The following CMIP variants were observed in gnomAD, a reference collection of about 807,000 sequenced individuals.
CMIP encodes the protein C-Maf-inducing protein.
Under a neutral mutation model 97.3 loss-of-function variants are expected in CMIP, and 13 were observed. The observed-to-expected ratio is 0.13, with a 90% CI of 0.09 to 0.21. CMIP has a LOEUF of 0.21. CMIP is among the 10% of genes least tolerant of loss of function. CMIP has a pLI of 1.00. For synonymous variants in CMIP, 538 were observed against 436.3 expected (o/e 1.23, Z -2.91); for missense variants, 847 against 1,024.9 (o/e 0.83, Z 2.37).
chr16:81,704,012 A>G lies in CMIP; in HGVS notation c.2018A>G (p.Asn673Ser), dbSNP rs918596511. The part of the protein sequence containing the change: ...NLENLSLAFT[N>S]VTSACAEHLI... Reference sequence around the variant, plus strand: ...GAGAACCTCAGTTTGGCCTTCACCAATGTAACCAGTGCCTGCGCCGAGCAC... The same window carrying G: ...GAGAACCTCAGTTTGGCCTTCACCAGTGTAACCAGTGCCTGCGCCGAGCAC... The change falls in exon 18 of 21, where the codon AAT (asparagine) becomes AGT (serine). Residue 673 changes from asparagine (N) to serine (S), a missense_variant. This residue lies in a region of CMIP where 266 missense variants were observed against 384.2 expected (regional missense o/e 0.69). Coordinates refer to ENST00000537098, the MANE Select transcript of CMIP (RefSeq NM_198390.3). 6 of 1,604,626 alleles carry G rather than the reference A, an allele frequency of 3.7e-6. No homozygotes were observed. The highest frequency in any genetic ancestry group is 1.3e-5 in the African/African-American group (1 of 74,428).
At chr16:81,693,324 A>G in intron 12 of CMIP, 115 bp from the exon 13 acceptor site, 1 of 1,453,126 alleles carries the variant, frequency 6.9e-7, no homozygotes, top group Non-Finnish European at 9.5e-7. Context: ...TCCCTGATCC[A>G]CCGCCTTGCC....
intron 1 of CMIP, among the ~76,000 whole-genome samples, chr16:81,507,260 G>T (rs1052332739): frequency 5.9e-5 from 9 of 152,128 alleles, no homozygotes; most frequent in African/African-American, 2.2e-4. Flanking sequence ...TCTTAAAAAA[G>T]AAAGGAAGAT....
rs1026263748 is a variant in CMIP, at chr16:81,710,213, G to A, written c.*414G>A. On this transcript the variant is annotated 3_prime_UTR_variant, in exon 21 of 21. Coordinates refer to ENST00000537098, the MANE Select transcript of CMIP (RefSeq NM_198390.3). Reference sequence around the variant, plus strand: ...AGGATGCTTTCTTCCTAGAGGCTCCGAGCTGAGCTGCGAACTCGCCCCCCG... The same window carrying A: ...AGGATGCTTTCTTCCTAGAGGCTCCAAGCTGAGCTGCGAACTCGCCCCCCG... The A allele has an allele frequency of 1.1e-4, 26 of 238,566 alleles. No homozygotes were observed. The highest frequency in any genetic ancestry group is 5.2e-4 in the African/African-American group (23 of 44,438). The allele number at this position is 238,566 out of a possible 1,614,324, so 14.8% of individuals were successfully genotyped here. A position where few individuals can be genotyped will look rare whatever the true frequency, so the allele number is the denominator to read the frequency against.
At chr16:81,502,791 A>C (rs2089637005) in intron 1 of CMIP, among the ~76,000 whole-genome samples, 1 of 152,238 alleles carries the variant, frequency 6.6e-6, no homozygotes, top group African/African-American at 2.4e-5. Context: ...CAAAACAAAA[A>C]AAGAAGCAAG....
intron 3 of CMIP, among the ~76,000 whole-genome samples, chr16:81,624,856 G>A (rs953342449): frequency 1.3e-5 from 2 of 152,192 alleles, no homozygotes; most frequent in Non-Finnish European, 2.9e-5. Flanking sequence ...TCTTGGTCAC[G>A]CTTTTCCGTC....
intron 1 of CMIP, among the ~76,000 whole-genome samples, chr16:81,488,778 G>A (rs542483034): frequency 2.0e-5 from 3 of 152,240 alleles, no homozygotes; most frequent in African/African-American, 2.4e-5. Context: ...CTGGCTCTTC[G>A]CTGTTCTGCA....
At chr16:81,534,056 C>T (rs1455396618) in intron 1 of CMIP, 7 of 152,232 alleles carry the variant, frequency 4.6e-5, no homozygotes, top group Non-Finnish European at 5.9e-5. Flanking sequence ...TCACGGCTAC[C>T]ACGGCTGCCT....
intron 4 of CMIP, among the ~76,000 whole-genome samples, chr16:81,654,477 A>G (rs761847869): frequency 6.6e-6 from 1 of 152,218 alleles, no homozygotes; most frequent in African/African-American, 2.4e-5. Context: ...AAAGTAGGAA[A>G]ATGGAAGAAG....
intron 1 of CMIP, among the ~76,000 whole-genome samples, chr16:81,579,628 CT>C (rs200825467): frequency 0.069 from 10,554 of 151,870 alleles, 464 homozygotes; most frequent in East Asian, 0.22. Context: ...CTGCTCCCCC[CT>C]GAAGGCAACA....
At chr16:81,610,564 C>T (rs1181035819) in intron 2 of CMIP, 29 of 983,244 alleles carry the variant, frequency 2.9e-5, no homozygotes, top group Admixed American at 6.1e-5. Context: ...CTGCCCCTGG[C>T]GGCTGTGGTT....
At position 81,513,692 on chromosome 16, in the gene CMIP, C is replaced by A. The variant is rs557133360; in HGVS notation, c.300+68151C>A. On this transcript the variant is annotated intron_variant, in intron 1 of 20. Transcript: ENST00000537098. ...GGGCAAGGGTCAGATGGGTCAATTC[C>A]CAGAGTGGAGCTGCCTCCTGTTTCC... Among the ~76,000 whole-genome samples, 10 of 152,330 alleles carry A rather than the reference C, an allele frequency of 6.6e-5. No homozygotes were observed. The South Asian group carries it at 2.1e-3, about 32-fold the overall frequency.
chr16:81,679,875 T>A (rs997054028), intron 10 of CMIP, among the ~76,000 whole-genome samples: 1 of 152,176 alleles, frequency 6.6e-6, no homozygotes, highest in Non-Finnish European at 1.5e-5. Flanking sequence ...CATTGACTGT[T>A]CCCTTCTGCC....
intron 7 of CMIP, chr16:81,666,358 C>T (rs4889360): frequency 0.62 from 94,583 of 151,974 alleles, 29,978 homozygotes; most frequent in African/African-American, 0.74. Context: ...TTTTTGCATA[C>T]TCCATGTTAG....
chr16:81,515,014 A>C (rs1225843472), intron 1 of CMIP, among the ~76,000 whole-genome samples: 1 of 152,220 alleles, frequency 6.6e-6, no homozygotes, highest in East Asian at 1.9e-4. Context: ...ACAGCCCTGG[A>C]GGAAGGTCAT....
At chr16:81,665,170 G>T (rs1812377353) in intron 7 of CMIP, 1 of 152,090 alleles carries the variant, frequency 6.6e-6, no homozygotes, top group Non-Finnish European at 1.5e-5. Flanking sequence ...ACAAAAGCAG[G>T]ATTTAATTGC....
chr16:81,636,273 C>T (rs2092233980), intron 3 of CMIP, among the ~76,000 whole-genome samples: 1 of 152,136 alleles, frequency 6.6e-6, no homozygotes, highest in African/African-American at 2.4e-5. Context: ...CAGATGCCTT[C>T]CAGTTCTCTT....
At chr16:81,571,441 C>A (rs2091085795) in intron 1 of CMIP, among the ~76,000 whole-genome samples, 1 of 151,896 alleles carries the variant, frequency 6.6e-6, no homozygotes, top group Admixed American at 6.6e-5. Flanking sequence ...GCATTCCAGC[C>A]TGGATAATAG....
At chr16:81,637,464 A>G (rs13338395) in intron 3 of CMIP, among the ~76,000 whole-genome samples, 3,995 of 152,344 alleles carry the variant, frequency 0.026, 174 homozygotes, top group African/African-American at 0.092. Flanking sequence ...GAAATGTGAC[A>G]TTTAATTCTC....
At chr16:81,690,397 A>G (rs1905920532) in intron 10 of CMIP, among the ~76,000 whole-genome samples, 1 of 152,216 alleles carries the variant, frequency 6.6e-6, no homozygotes, top group African/African-American at 2.4e-5. Flanking sequence ...ATTCCTGGGT[A>G]TTTAGCATCA....
Sources: allele counts gnomAD v4.1 joint callset (sites outside exome capture counted in the v4.1 genomes callset), GRCh38; gene constraint gnomAD v4.1.1; regional missense constraint gnomAD v4.1.1; transcripts MANE v1.5; gene names NCBI Gene and HGNC (gene_info 2026-07-23, HGNC 2026-07-21).